The following NGEF variants were observed in gnomAD, a reference collection of about 807,000 sequenced individuals.
NGEF encodes ephexin-1.
Under a neutral mutation model 80.9 loss-of-function variants are expected in NGEF, and 31 were observed. The ratio of observed to expected loss-of-function variants is 0.38; its 90% CI spans 0.29 to 0.52. The LOEUF is 0.52. Ranked by LOEUF, NGEF falls within the 20% of genes least tolerant of loss-of-function variation. The pLI, the probability that NGEF is intolerant of heterozygous loss-of-function variation, is 0.84. For missense variants in NGEF, 709 were observed against 926.2 expected, an observed-to-expected ratio of 0.77 and a Z score of 3.04; for synonymous variants, 371 against 370.2, an observed-to-expected ratio of 1.00 and a Z score of -0.03.
intron 13 of NGEF, 44 bp from the exon 14 acceptor site, chr2:232,881,294 C>A: frequency 6.8e-7 from 1 of 1,478,708 alleles, no homozygotes; most frequent in Non-Finnish European, 9.4e-7. Flanking sequence ...ACCGCACTAC[C>A]CACCTGCACA....
chr2:232,938,745 A>T, intron 3 of NGEF, among the ~76,000 whole-genome samples: 1 of 148,828 alleles, frequency 6.7e-6, no homozygotes, highest in Non-Finnish European at 1.5e-5. Flanking sequence ...TCTTAAGAAA[A>T]AAAAAAAAAA....
chr2:232,892,066 C>T lies in NGEF; in HGVS notation c.1143-579G>A, dbSNP rs1691902145. 6.6e-6 allele frequency among the ~76,000 whole-genome samples: 1 copy of T among 152,056 alleles called. No individual in the cohort carries two copies. Among genetic ancestry groups the T allele is most frequent in the Admixed American group, 6.5e-5 (1 of 15,268 alleles). On this transcript the variant is annotated intron_variant, in intron 7 of 14. Coordinates refer to ENST00000264051, the MANE Select transcript of NGEF (RefSeq NM_019850.3). This position sits in a 1 kb window ranked among gnomAD's most constrained non-coding sequence, Gnocchi z 4.0. The stretch of plus-strand genomic sequence containing the variant: ...TGTGCTCACACGGCCTGGCGGGGGC[C>T]ACAGCGGCAGGCTCTTGGGTGCTGT...
chr2:233,011,678 T>C (rs1414286116), intron 1 of NGEF, among the ~76,000 whole-genome samples: 1 of 151,866 alleles, frequency 6.6e-6, no homozygotes, highest in African/African-American at 2.4e-5. Context: ...CCGCATGACT[T>C]CTGGGCTCAA....
chr2:232,899,460 G>C (rs540082180), intron 5 of NGEF, among the ~76,000 whole-genome samples: 1 of 152,264 alleles, frequency 6.6e-6, no homozygotes, highest in South Asian at 2.1e-4. Flanking sequence ...CTTTCTTCAG[G>C]CTCCTCTTTT....
chr2:232,981,771 C>G (rs1272881821), intron 1 of NGEF, among the ~76,000 whole-genome samples: 4 of 152,234 alleles, frequency 2.6e-5, no homozygotes, highest in African/African-American at 9.6e-5. Context: ...ACTCCCATCT[C>G]CCGCACAGCT....
At chr2:232,900,708 TCA>T (rs749130548) in intron 5 of NGEF, among the ~76,000 whole-genome samples, 10 of 95,948 alleles carry the variant, frequency 1.0e-4, no homozygotes, top group Non-Finnish European at 1.7e-4. Flanking sequence ...TCACTCACAT[TCA>T]CACACACGCT....
intron 5 of NGEF, among the ~76,000 whole-genome samples, chr2:232,906,003 C>T (rs1488201100): frequency 7.3e-6 from 1 of 137,724 alleles, no homozygotes; most frequent in South Asian, 2.3e-4. Context: ...GGCCAGCCGC[C>T]CCGTCCGGGA....
At chr2:232,895,269 G>A (rs1692020781) in intron 5 of NGEF, among the ~76,000 whole-genome samples, 2 of 152,164 alleles carry the variant, frequency 1.3e-5, no homozygotes, top group Non-Finnish European at 2.9e-5. Context: ...ACTCACTCTT[G>A]TAATCCCAGC....
At chr2:232,970,700 A>C (rs187022902) in intron 2 of NGEF, among the ~76,000 whole-genome samples, 16 of 152,268 alleles carry the variant, frequency 1.1e-4, no homozygotes, top group Non-Finnish European at 1.8e-4. Context: ...CTGTGATCCA[A>C]GCTACCTGGG....
chr2:232,902,835 A>G (rs1048038354), intron 5 of NGEF, among the ~76,000 whole-genome samples: 1 of 152,210 alleles, frequency 6.6e-6, no homozygotes, highest in African/African-American at 2.4e-5. Flanking sequence ...TCTACTAAAA[A>G]TACAAAAGAT....
intron 5 of NGEF, among the ~76,000 whole-genome samples, chr2:232,920,077 G>A (rs1163182342): frequency 6.6e-6 from 1 of 152,230 alleles, no homozygotes; most frequent in Non-Finnish European, 1.5e-5. Context: ...AATGTTGGGG[G>A]TGAGCTGTCC....
At chr2:232,889,991 C>A (rs963394674) in intron 8 of NGEF, among the ~76,000 whole-genome samples, 1 of 140,930 alleles carries the variant, frequency 7.1e-6, no homozygotes, top group African/African-American at 2.5e-5. Flanking sequence ...CTCCCTCTGC[C>A]CAGGGCATCA....
At chr2:232,908,787 C>T (rs1479684863) in intron 5 of NGEF, among the ~76,000 whole-genome samples, 5 of 151,708 alleles carry the variant, frequency 3.3e-5, no homozygotes, top group Admixed American at 2.0e-4. Context: ...TCTCATCTGA[C>T]CCATTTGTAC....
intron 3 of NGEF, among the ~76,000 whole-genome samples, chr2:232,956,949 T>C (rs1036293900): frequency 6.6e-6 from 1 of 151,712 alleles, no homozygotes; most frequent in African/African-American, 2.4e-5. Context: ...GGAATTTAAA[T>C]AGGAAGATAA....
At position 232,879,536 on chromosome 2, in the gene NGEF, T is replaced by C; in HGVS notation, c.2086A>G (p.Ser696Gly). The C allele has an allele frequency of 6.2e-7, 1 of 1,613,206 alleles. No individual in the cohort carries two copies. The highest frequency in any genetic ancestry group is 1.1e-5 in the South Asian group (1 of 91,030). Residue 696 changes from serine (S) to glycine (G), a missense_variant, in exon 15 of 15, where the codon AGC (serine) becomes GGC (glycine). Physicochemically the swap from Ser to Gly is moderately conservative, Grantham distance 56. Around this residue, in one of 2 missense-constraint regions of NGEF, gnomAD observed 426 missense variants for 622.9 expected, o/e 0.68. Transcript: ENST00000264051. ...RVHKMDDPQR[S>G]QNKDRRKLGS... ...AGCTTCCTGCGGTCCTTGTTCTGGC[T>C]GCGCTGAGGGTCATCCATCTTGTGG... is the stretch of plus-strand genomic sequence containing the variant.
chr2:232,996,189 G>A (rs1694841624), intron 1 of NGEF, among the ~76,000 whole-genome samples: 1 of 152,074 alleles, frequency 6.6e-6, no homozygotes, highest in Non-Finnish European at 1.5e-5. Flanking sequence ...TTAGCCGGGT[G>A]TGGTAGCACA....
At chr2:232,926,169 G>T (rs1450784955) in intron 4 of NGEF, among the ~76,000 whole-genome samples, 1 of 152,166 alleles carries the variant, frequency 6.6e-6, no homozygotes, top group African/African-American at 2.4e-5. Flanking sequence ...ATCTAGGGAA[G>T]AAATTTTCCA....
intron 3 of NGEF, among the ~76,000 whole-genome samples, chr2:232,928,423 C>T (rs763513439): frequency 4.0e-5 from 6 of 151,770 alleles, no homozygotes; most frequent in Admixed American, 2.6e-4. Context: ...CCACTCCTCA[C>T]GGCGGGGGAA....
chr2:232,882,272 CAG>C lies in NGEF; in HGVS notation c.1758-9_1758-8del. 1 of 1,612,890 alleles carries C rather than the reference CAG, an allele frequency of 6.2e-7. No individual in the cohort carries two copies. Among genetic ancestry groups the C allele is most frequent in the Non-Finnish European group, 8.5e-7 (1 of 1,179,506 alleles). The stretch of plus-strand genomic sequence containing the variant: ...CCAACGCTTCATCTCACTCCTGGCA[CAG>C]GGAAGAGGACAGTGCCCCAACTGCA... On this transcript the variant is annotated splice_polypyrimidine_tract_variant and splice_region_variant and intron_variant, in intron 12 of 14. Transcript: ENST00000264051.
Sources: gnomAD v4.1 joint callset for allele counts (sites outside exome capture counted in the v4.1 genomes callset) on GRCh38, gnomAD v4.1.1 for gene constraint, gnomAD v4.1.1 regional missense constraint, Gnocchi (gnomAD v3.1) non-coding constraint, MANE v1.5 for transcripts, NCBI Gene and HGNC (gene_info 2026-07-23, HGNC 2026-07-21) for gene names.